The following RABGAP1 variants were observed in gnomAD, a reference collection of about 807,000 sequenced individuals.
RABGAP1 encodes rab GTPase-activating protein 1.
In RABGAP1, 23 loss-of-function variants were observed where a neutral mutation model predicts 137.6. That is an observed-to-expected ratio of 0.17 (90% CI 0.12 to 0.24). The LOEUF (loss-of-function observed/expected upper bound fraction) is 0.24. RABGAP1 is among the 10% of genes least tolerant of loss of function. RABGAP1 has a pLI of 1.00. For synonymous variants in RABGAP1, 451 were observed against 450.7 expected (o/e 1.00, Z -0.01); for missense variants, 906 against 1,275.8 (o/e 0.71, Z 4.42).
In RABGAP1 at chr9:123,016,435, A is replaced by G. The variant is rs1192941882; in HGVS notation, c.1643+799A>G. Reference sequence around the variant, plus strand: ...GGCAGGAGGATCGCTTGAGCATAGGAGTTTGAGGCTGCAGTGAGCCTTGAT... The same window carrying G: ...GGCAGGAGGATCGCTTGAGCATAGGGGTTTGAGGCTGCAGTGAGCCTTGAT... On this transcript the variant is annotated intron_variant, in intron 12 of 25. Coordinates refer to ENST00000373647, the MANE Select transcript of RABGAP1 (RefSeq NM_012197.4). 5.3e-5 allele frequency among the ~76,000 whole-genome samples: 8 copies of G among 152,264 alleles called. No homozygotes were observed. The East Asian group carries it at 1.5e-3, about 29-fold the overall frequency.
chr9:123,076,815 A>G (rs2034525176), intron 19 of RABGAP1, 53 bp downstream of exon 19: 4 of 1,309,920 alleles, frequency 3.1e-6, no homozygotes, highest in Non-Finnish European at 4.0e-6. Context: ...GTGTCTCACT[A>G]TTCCTGATCA....
At chr9:123,029,616 G>A (rs1442002404) in intron 13 of RABGAP1, 12 of 735,836 alleles carry the variant, frequency 1.6e-5, no homozygotes, top group Non-Finnish European at 3.1e-5. Flanking sequence ...AACAAGACAA[G>A]GTATTGAGCT....
intron 13 of RABGAP1, 142 bp downstream of exon 13, chr9:123,020,601 T>C (rs918586208): frequency 1.1e-6 from 1 of 933,158 alleles, no homozygotes; most frequent in African/African-American, 1.7e-5. Context: ...AGCTCTAACA[T>C]GTTTTTTCTG....
At chr9:123,057,381 C>CTT (rs2033767163) in intron 13 of RABGAP1, among the ~76,000 whole-genome samples, 1 of 145,338 alleles carries the variant, frequency 6.9e-6, no homozygotes, top group Non-Finnish European at 1.5e-5. Flanking sequence ...GACGGGGTTG[C>CTT]GGCCGGGCAG....
intron 13 of RABGAP1, among the ~76,000 whole-genome samples, chr9:123,057,982 CAGTGAGCCG>C (rs888090541): frequency 4.0e-5 from 6 of 151,628 alleles, no homozygotes. Flanking sequence ...AGGGAGGCTG[CAGTGAGCCG>C]AGACGGCAGC....
intron 16 of RABGAP1, 119 bp downstream of exon 16, chr9:123,073,796 G>A: frequency 1.5e-6 from 2 of 1,360,076 alleles, no homozygotes; most frequent in Non-Finnish European, 2.0e-6. Flanking sequence ...GCTAAGGATG[G>A]GTTTCATTTT....
chr9:123,080,113 A>G (rs571196204), intron 19 of RABGAP1, among the ~76,000 whole-genome samples: 2 of 152,346 alleles, frequency 1.3e-5, no homozygotes, highest in East Asian at 3.9e-4. Flanking sequence ...AAACACTTTA[A>G]TAATATATGG....
chr9:122,942,734 G>C (rs552966164), intron 1 of RABGAP1, among the ~76,000 whole-genome samples: 1 of 149,118 alleles, frequency 6.7e-6, no homozygotes, highest in South Asian at 2.1e-4. Context: ...AAATCTTCCT[G>C]TGTAGAGTTC....
At chr9:122,989,271 C>CTGTATCTTTT in intron 4 of RABGAP1, 26 bp from the exon 5 acceptor site, 1 of 1,582,828 alleles carries the variant, frequency 6.3e-7, no homozygotes, top group Non-Finnish European at 8.7e-7. Context: ...TTCCTGTAAT[C>CTGTATCTTTT]TCTCTGTATC....
rs375891466 is a variant in RABGAP1 at position 123,049,560 on chromosome 9, A to G, written c.1795-15788A>G. Among the ~76,000 whole-genome samples the G allele has an allele frequency of 9.2e-5, 14 of 152,348 alleles. No individual in the cohort carries two copies. In the South Asian group the frequency reaches 2.3e-3, roughly 25 times the overall value. On this transcript the variant is annotated intron_variant, in intron 13 of 25. Transcript: ENST00000373647. Reference sequence around the variant, plus strand: ...TATGGTTCATAGGCTAAAAAACAAAATACTCTTATTGTATCACTTATGTTT... The same window carrying G: ...TATGGTTCATAGGCTAAAAAACAAAGTACTCTTATTGTATCACTTATGTTT...
In RABGAP1 at chr9:123,103,227, C is replaced by T. The variant is rs775226641; in HGVS notation, c.*14C>T. The T allele has an allele frequency of 2.5e-5, 40 of 1,612,666 alleles. No individual in the cohort carries two copies. Among genetic ancestry groups the T allele is most frequent in the Non-Finnish European group, 3.4e-5 (40 of 1,179,556 alleles). On this transcript the variant is annotated 3_prime_UTR_variant, in exon 26 of 26. Coordinates refer to ENST00000373647, the MANE Select transcript of RABGAP1 (RefSeq NM_012197.4). ...GAGACTTGCTGAGAGCAGCTGCCGC[C>T]TCCCGACACCTTCAGAAAACACGAC...
At position 123,058,394 on chromosome 9, in the gene RABGAP1, G is replaced by T. The variant is rs367969291; in HGVS notation, c.1795-6954G>T. 5.8e-4 allele frequency among the ~76,000 whole-genome samples: 88 copies of T among 152,038 alleles called. 1 individual carries two copies. In the East Asian group the frequency reaches 0.016, roughly 27 times the overall value. ...AAATGGTTATAACCTAAAAAGTTTG[G>T]CATATGCGAACCAAATATTAGCCAT... On this transcript the variant is annotated intron_variant, in intron 13 of 25. Transcript: ENST00000373647.
At position 123,068,387 on chromosome 9, in the gene RABGAP1, A is replaced by G. The variant is rs573387190; in HGVS notation, c.1909-1963A>G. Among the ~76,000 whole-genome samples the G allele has an allele frequency of 1.3e-4, 20 of 151,736 alleles. 1 individual carries two copies. In the East Asian group the frequency reaches 3.3e-3, roughly 25 times the overall value. The stretch of plus-strand genomic sequence containing the variant: ...AAAAAGAAAAAATCCATATCTAGAC[A>G]TTGGGAGTTGTGGGATTTTAACCCA... On this transcript the variant is annotated intron_variant, in intron 14 of 25. Transcript: ENST00000373647.
At chr9:122,968,192 C>G (rs892097847) in intron 2 of RABGAP1, among the ~76,000 whole-genome samples, 3 of 136,616 alleles carry the variant, frequency 2.2e-5, no homozygotes, top group Non-Finnish European at 3.2e-5. Flanking sequence ...AGCATTTATT[C>G]TTTGTGTTAC....
chr9:123,034,650 C>T (rs759198644), intron 13 of RABGAP1: 164 of 1,613,056 alleles, frequency 1.0e-4, no homozygotes, highest in Admixed American at 1.8e-4. Flanking sequence ...TCAATTTTTG[C>T]CTTTTGGAAG....
chr9:122,997,867 TAATA>T (rs891914792), intron 9 of RABGAP1, among the ~76,000 whole-genome samples: 3 of 152,212 alleles, frequency 2.0e-5, no homozygotes, highest in African/African-American at 7.2e-5. Context: ...GTAATTTGCT[TAATA>T]AATGCCTCTT....
intron 12 of RABGAP1, 43 bp from the exon 13 acceptor site, chr9:123,020,263 ATCT>A: frequency 7.2e-7 from 1 of 1,383,562 alleles, no homozygotes; most frequent in Non-Finnish European, 9.6e-7. Context: ...TCTTTAGAGA[ATCT>A]TATCTTCCTT....
chr9:122,969,274 A>G (rs984449151), intron 2 of RABGAP1, among the ~76,000 whole-genome samples: 6 of 152,340 alleles, frequency 3.9e-5, no homozygotes, highest in African/African-American at 1.2e-4. Context: ...ATAGTGGGCT[A>G]TGCTTCCTGG....
intron 2 of RABGAP1, among the ~76,000 whole-genome samples, chr9:122,980,192 A>G (rs1056642825): frequency 6.6e-6 from 1 of 152,242 alleles, no homozygotes; most frequent in Non-Finnish European, 1.5e-5. Context: ...TGCAAAGCCT[A>G]AAATATTTAT....
Sources: gnomAD v4.1 joint callset for allele counts (sites outside exome capture counted in the v4.1 genomes callset) on GRCh38, gnomAD v4.1.1 for gene constraint, MANE v1.5 for transcripts, NCBI Gene and HGNC (gene_info 2026-07-23, HGNC 2026-07-21) for gene names.